The following DLG2 variants were observed in gnomAD, a reference collection of about 807,000 sequenced individuals.
DLG2 encodes disks large homolog 2.
DLG2 carries 45 observed loss-of-function variants against 132.5 expected under a neutral mutation model. That is an observed-to-expected ratio of 0.34 (90% confidence interval 0.27 to 0.44). The LOEUF (loss-of-function observed/expected upper bound fraction) is 0.44. Among genes scored for constraint, DLG2 ranks in the 20% least tolerant of loss-of-function variants. The probability of loss-of-function intolerance (pLI) is 1.00; values close to 1 mark genes in which losing one functional copy is unlikely to be tolerated. For missense variants in DLG2, 1,045 were observed against 1,196.9 expected, an observed-to-expected ratio of 0.87 and a Z score of 1.87; for synonymous variants, 424 against 419.6, an observed-to-expected ratio of 1.01 and a Z score of -0.13.
chr11:84,576,491 T>A (rs1263760194), intron 6 of DLG2, among the ~76,000 whole-genome samples: 1 of 152,204 alleles, frequency 6.6e-6, no homozygotes, highest in Non-Finnish European at 1.5e-5. Flanking sequence ...TTGAAGGATT[T>A]TCTAGACAGA....
In DLG2 at chr11:84,060,354, C is replaced by A. The variant is rs982216342; in HGVS notation, c.750-870G>T. 3.0e-4 allele frequency among the ~76,000 whole-genome samples: 46 copies of A among 152,078 alleles called. 1 individual carries two copies. The highest frequency in any genetic ancestry group is 1.1e-3 in the African/African-American group (46 of 41,484). On this transcript the variant is annotated intron_variant, in intron 10 of 27. Coordinates refer to ENST00000376104, the MANE Select transcript of DLG2 (RefSeq NM_001142699.3). The stretch of plus-strand genomic sequence containing the variant: ...ATAATAATAAATTAAATAAGTCTGT[C>A]AGCTTTCTGGCAAATTATCTTCCAG...
rs201397127 is a variant in DLG2, at chr11:83,499,084, G to A, written c.2194-14856C>T. Among the ~76,000 whole-genome samples the A allele has an allele frequency of 4.6e-5, 7 of 152,164 alleles. No homozygotes were observed. In the East Asian group the frequency reaches 1.4e-3, roughly 29 times the overall value. On this transcript the variant is annotated intron_variant, in intron 21 of 27. Coordinates refer to ENST00000376104, the MANE Select transcript of DLG2 (RefSeq NM_001142699.3). ...GATTTAAAAAATTATCCACACAGAAGCCCATGCCTAGATGGCTTTCCTGGT... is the reference window on the plus strand; with the variant it reads ...GATTTAAAAAATTATCCACACAGAAACCCATGCCTAGATGGCTTTCCTGGT...
intron 6 of DLG2, among the ~76,000 whole-genome samples, chr11:84,784,090 G>A (rs1462062288): frequency 4.7e-5 from 6 of 127,098 alleles, no homozygotes; most frequent in Non-Finnish European, 9.4e-5. Context: ...CTGAGGTCAG[G>A]AGTTCAAGAC....
intron 3 of DLG2, among the ~76,000 whole-genome samples, chr11:85,381,739 A>C (rs376494041): frequency 6.6e-6 from 1 of 152,166 alleles, no homozygotes; most frequent in Non-Finnish European, 1.5e-5. Flanking sequence ...AAAATTTAGA[A>C]GACAATTCCA....
At chr11:84,801,816 A>G (rs1027538367) in intron 6 of DLG2, among the ~76,000 whole-genome samples, 1 of 152,228 alleles carries the variant, frequency 6.6e-6, no homozygotes, top group Admixed American at 6.5e-5. Flanking sequence ...AATTAAAACA[A>G]AACTACTACA....
At chr11:83,667,290 G>A (rs1349181196) in intron 18 of DLG2, among the ~76,000 whole-genome samples, 2 of 152,140 alleles carry the variant, frequency 1.3e-5, no homozygotes, top group African/African-American at 2.4e-5. Context: ...ATGGTGATAA[G>A]CAAACTCTGT....
At chr11:85,504,590 G>C (rs1171718012) in intron 3 of DLG2, among the ~76,000 whole-genome samples, 1 of 152,190 alleles carries the variant, frequency 6.6e-6, no homozygotes, top group East Asian at 1.9e-4. Flanking sequence ...TTTGGTAACA[G>C]TACCATGCTG....
At chr11:83,813,933 G>A (rs183906804) in intron 17 of DLG2, among the ~76,000 whole-genome samples, 2 of 152,132 alleles carry the variant, frequency 1.3e-5, no homozygotes, top group African/African-American at 4.8e-5. Flanking sequence ...CTGAGGCACA[G>A]AGAAGTTAAA....
At chr11:84,350,224 C>T (rs1302175030) in intron 7 of DLG2, among the ~76,000 whole-genome samples, 1 of 150,446 alleles carries the variant, frequency 6.6e-6, no homozygotes, top group East Asian at 2.0e-4. Context: ...ATGACGAGGA[C>T]CATACTTTTC....
chr11:84,529,126 A>G (rs1443874848), intron 7 of DLG2, among the ~76,000 whole-genome samples: 1 of 152,188 alleles, frequency 6.6e-6, no homozygotes, highest in Non-Finnish European at 1.5e-5. Flanking sequence ...AAGGAGAGAT[A>G]CACAGAGTGT....
intron 3 of DLG2, among the ~76,000 whole-genome samples, chr11:85,578,503 T>C (rs1330747640): frequency 6.6e-6 from 1 of 151,896 alleles, no homozygotes; most frequent in African/African-American, 2.4e-5. Context: ...CTAACAAAGG[T>C]CTAATACTCA....
chr11:84,494,101 T>C (rs2099173369), intron 7 of DLG2, among the ~76,000 whole-genome samples: 1 of 152,202 alleles, frequency 6.6e-6, no homozygotes, highest in Admixed American at 6.5e-5. Flanking sequence ...GCCTCTTATA[T>C]GTTTCAATAC....
intron 3 of DLG2, among the ~76,000 whole-genome samples, chr11:85,496,371 C>T (rs578224889): frequency 2.0e-5 from 3 of 152,288 alleles, no homozygotes; most frequent in African/African-American, 7.2e-5. Flanking sequence ...ATTGCTGAGG[C>T]TTGAGTAGGC....
intron 10 of DLG2, among the ~76,000 whole-genome samples, chr11:84,072,935 T>C (rs1241287828): frequency 6.6e-6 from 1 of 152,226 alleles, no homozygotes; most frequent in Non-Finnish European, 1.5e-5. Flanking sequence ...GATTAGAATC[T>C]AATAGATGTG....
At chr11:84,538,347 T>A (rs1358987124) in intron 6 of DLG2, among the ~76,000 whole-genome samples, 1 of 152,186 alleles carries the variant, frequency 6.6e-6, no homozygotes, top group Non-Finnish European at 1.5e-5. Context: ...TCCAAATTCA[T>A]GGAAATCTTT....
At chr11:84,049,054 C>T (rs578260453) in intron 11 of DLG2, among the ~76,000 whole-genome samples, 162 of 151,540 alleles carry the variant, frequency 1.1e-3, no homozygotes, top group Non-Finnish European at 1.9e-3. Context: ...TTTCAGATGA[C>T]TTCCTCACAT....
Position 84,499,999 on chromosome 11 carries a change from G to T in DLG2, c.519+34571C>A, listed in dbSNP as rs577310178. On this transcript the variant is annotated intron_variant, in intron 7 of 27. Coordinates refer to ENST00000376104, the MANE Select transcript of DLG2 (RefSeq NM_001142699.3). Reference sequence around the variant, plus strand: ...TAATTACTGATGATCTACATGTCAAGAATTGTATTATTTTTCTGGAGATAC... The same window carrying T: ...TAATTACTGATGATCTACATGTCAATAATTGTATTATTTTTCTGGAGATAC... 2.0e-5 allele frequency among the ~76,000 whole-genome samples: 3 copies of T among 151,944 alleles called. No individual in the cohort carries two copies. In the South Asian group the frequency reaches 6.2e-4, roughly 32 times the overall value.
chr11:84,551,186 A>C (rs1037539875), intron 6 of DLG2, among the ~76,000 whole-genome samples: 1 of 152,196 alleles, frequency 6.6e-6, no homozygotes, highest in Non-Finnish European at 1.5e-5. Context: ...CTTTAATAAA[A>C]ATATTAATGT....
chr11:84,819,885 G>A (rs2077488182), intron 6 of DLG2, among the ~76,000 whole-genome samples: 1 of 151,732 alleles, frequency 6.6e-6, no homozygotes, highest in Non-Finnish European at 1.5e-5. Context: ...TACTGTAGGA[G>A]TGAAAGCTCC....
Sources: gnomAD v4.1 joint callset for allele counts (sites outside exome capture counted in the v4.1 genomes callset) on GRCh38, gnomAD v4.1.1 for gene constraint, MANE v1.5 for transcripts, NCBI Gene and HGNC (gene_info 2026-07-23, HGNC 2026-07-21) for gene names.